CCDC141: variants seen among roughly 807,000 people sequenced by gnomAD.
CCDC141 encodes the protein coiled-coil domain-containing protein 141.
CCDC141 carries 168 observed loss-of-function variants against 181.0 expected under a neutral mutation model. The observed-to-expected ratio is 0.93, with a 90% confidence interval of 0.82 to 1.05. The LOEUF is 1.05. CCDC141 is among the 50% of genes least tolerant of loss of function. The pLI, the probability that CCDC141 is intolerant of heterozygous loss-of-function variation, is 0.00. For synonymous variants in CCDC141, 666 were observed against 642.3 expected (o/e 1.04, Z -0.56); for missense variants, 1,902 against 1,788.5 (o/e 1.06, Z -1.14).
chr2:178,855,126 T>C (rs1685327089), intron 19 of CCDC141, among the ~76,000 whole-genome samples: 1 of 152,152 alleles, frequency 6.6e-6, no homozygotes, highest in Admixed American at 6.5e-5. Flanking sequence ...AAGACTTTTC[T>C]CAAGAGAAAT....
At chr2:179,040,335 A>G (rs2154388336) in intron 2 of CCDC141, among the ~76,000 whole-genome samples, 1 of 152,356 alleles carries the variant, frequency 6.6e-6, no homozygotes, top group African/African-American at 2.4e-5. Flanking sequence ...AGTGTCTTCT[A>G]AAGAGCATAG....
rs546677116 is a variant in CCDC141, at chr2:178,949,102, T to C, written c.781-4451A>G. Among the ~76,000 whole-genome samples the C allele has an allele frequency of 1.4e-4, 21 of 152,224 alleles. No individual in the cohort carries two copies. The South Asian group carries it at 4.4e-3, about 32-fold the overall frequency. ...TGTCTTGTTCATCACTGAAGATGCATGCGGAAAGTTGATACAGGGATGTAC... is the reference window on the plus strand; with the variant it reads ...TGTCTTGTTCATCACTGAAGATGCACGCGGAAAGTTGATACAGGGATGTAC... On this transcript the variant is annotated intron_variant, in intron 5 of 23. Transcript: ENST00000443758.
intron 9 of CCDC141, among the ~76,000 whole-genome samples, chr2:178,887,899 A>G (rs1026106372): frequency 6.6e-6 from 1 of 152,184 alleles, no homozygotes; most frequent in Admixed American, 6.5e-5. Flanking sequence ...AAAGATAAAT[A>G]ATTTTTTTAT....
intron 5 of CCDC141, among the ~76,000 whole-genome samples, chr2:178,958,878 CT>C (rs757650351): frequency 2.8e-3 from 367 of 132,154 alleles, no homozygotes; most frequent in Middle Eastern, 0.012. Flanking sequence ...CTTTGATGAG[CT>C]TTTTTTTTTT....
chr2:178,849,350 T>C (rs1175636497), intron 21 of CCDC141, among the ~76,000 whole-genome samples: 24 of 152,178 alleles, frequency 1.6e-4, no homozygotes, highest in Non-Finnish European at 5.9e-5. Flanking sequence ...TCCAATTATT[T>C]AGGGAGTTGG....
At chr2:179,037,718 T>C (rs2043183778) in intron 2 of CCDC141, among the ~76,000 whole-genome samples, 1 of 152,156 alleles carries the variant, frequency 6.6e-6, no homozygotes, top group African/African-American at 2.4e-5. Context: ...CCAAAAAAGA[T>C]ATACACTGGC....
chr2:178,907,846 A>T (rs1357312873), intron 7 of CCDC141, among the ~76,000 whole-genome samples: 1 of 152,080 alleles, frequency 6.6e-6, no homozygotes, highest in Non-Finnish European at 1.5e-5. Flanking sequence ...ATTAAAAAAA[A>T]AAATTAGCCA....
chr2:178,977,174 A>G (rs1691158552), intron 3 of CCDC141, among the ~76,000 whole-genome samples: 1 of 152,304 alleles, frequency 6.6e-6, no homozygotes, highest in East Asian at 1.9e-4. Context: ...AAGTGTAAGT[A>G]TAAGAGTGTT....
intron 2 of CCDC141, among the ~76,000 whole-genome samples, chr2:179,032,571 C>G (rs2043030448): frequency 6.6e-6 from 1 of 152,072 alleles, no homozygotes; most frequent in Non-Finnish European, 1.5e-5. Flanking sequence ...CCGGGAAATA[C>G]CAGAGCAAGG....
At chr2:178,884,820 G>A in intron 11 of CCDC141, 81 bp downstream of exon 11, 2 of 1,164,586 alleles carry the variant, frequency 1.7e-6, no homozygotes, top group South Asian at 1.5e-5. Context: ...TACCCACCAA[G>A]GCAGAGCATA....
chr2:178,837,461 G>T lies in CCDC141; in HGVS notation c.3758C>A (p.Ala1253Asp). 6.2e-7 allele frequency: 1 copy of T among 1,614,090 alleles called. No homozygotes were observed. ...SLHISSYGVQ[A>D]GTSSPGDAQE... ...GGCATCCCCTGGGCTGCTGGTCCCA[G>T]CCTGCACCCCATAGCTGCTTATGTG... is the stretch of plus-strand genomic sequence containing the variant. Residue 1253 changes from alanine to aspartate, a missense_variant, in exon 23 of 24, where the codon GCT (alanine) becomes GAT (aspartate). By Grantham distance (126) the Ala-to-Asp change is moderately radical. Coordinates refer to ENST00000443758, the MANE Select transcript of CCDC141 (RefSeq NM_173648.4).
chr2:179,024,381 G>A (rs1453382595), intron 2 of CCDC141, among the ~76,000 whole-genome samples: 2 of 152,158 alleles, frequency 1.3e-5, no homozygotes, highest in Admixed American at 1.3e-4. Flanking sequence ...ATTATGTCAT[G>A]AATATATGTA....
At chr2:179,012,469 T>C (rs548638276) in intron 2 of CCDC141, among the ~76,000 whole-genome samples, 5 of 152,156 alleles carry the variant, frequency 3.3e-5, no homozygotes, top group African/African-American at 1.2e-4. Context: ...GAGATTGAAA[T>C]GGTAATTTAA....
intron 2 of CCDC141, among the ~76,000 whole-genome samples, chr2:179,042,017 A>G (rs1474724223): frequency 6.6e-6 from 1 of 152,210 alleles, no homozygotes; most frequent in Non-Finnish European, 1.5e-5. Context: ...GAAAATTTAA[A>G]AAGATATTCG....
chr2:178,849,084 T>C (rs977651510), intron 21 of CCDC141, among the ~76,000 whole-genome samples: 2 of 152,140 alleles, frequency 1.3e-5, no homozygotes, highest in Admixed American at 1.3e-4. Context: ...ACCCACTGAA[T>C]TAAAAGCCTC....
chr2:178,994,778 T>C (rs779071051), intron 2 of CCDC141, among the ~76,000 whole-genome samples: 2 of 152,192 alleles, frequency 1.3e-5, no homozygotes, highest in African/African-American at 2.4e-5. Context: ...GCTTTGCTGC[T>C]TAAAAATTTC....
chr2:178,893,825 A>ATG (rs1687276495), intron 8 of CCDC141, among the ~76,000 whole-genome samples: 3 of 104,274 alleles, frequency 2.9e-5, no homozygotes, highest in African/African-American at 4.5e-5. Context: ...ACACACACGC[A>ATG]CACACACACA....
At chr2:179,026,470 G>T (rs2042848172) in intron 2 of CCDC141, among the ~76,000 whole-genome samples, 1 of 152,198 alleles carries the variant, frequency 6.6e-6, no homozygotes, top group Admixed American at 6.5e-5. Context: ...GGGAACCTCT[G>T]CCTAGATTTC....
chr2:178,834,572 A>G, intron 23 of CCDC141, 132 bp from the exon 24 acceptor site: 2 of 1,006,184 alleles, frequency 2.0e-6, no homozygotes, highest in South Asian at 3.5e-5. Context: ...CCTTGTAGCC[A>G]CAACAAATTC....
Sources: allele counts gnomAD v4.1 joint callset (sites outside exome capture counted in the v4.1 genomes callset), GRCh38; gene constraint gnomAD v4.1.1; transcripts MANE v1.5; gene names NCBI Gene and HGNC (gene_info 2026-07-23, HGNC 2026-07-21).